The following SLC22A4 variants were observed in gnomAD, a reference collection of about 807,000 sequenced individuals.
SLC22A4 encodes the protein solute carrier family 22 member 4.
A neutral mutation model predicts 56.6 loss-of-function variants in SLC22A4; 39 were observed. The ratio of observed to expected loss-of-function variants is 0.69; its 90% CI spans 0.53 to 0.90. The LOEUF (loss-of-function observed/expected upper bound fraction) is 0.90, where lower values mean the gene tolerates loss of function less well. Ranked by LOEUF, SLC22A4 falls within the 40% of genes least tolerant of loss-of-function variation. SLC22A4 has a pLI of 0.00. For synonymous variants in SLC22A4, 241 were observed against 281.4 expected, an observed-to-expected ratio of 0.86 and a Z score of 1.44; for missense variants, 594 against 696.5, an observed-to-expected ratio of 0.85 and a Z score of 1.66.
At chr5:132,342,528 G>C (rs1751250873) in intron 9 of SLC22A4, among the ~76,000 whole-genome samples, 1 of 152,156 alleles carries the variant, frequency 6.6e-6, no homozygotes, top group Non-Finnish European at 1.5e-5. Context: ...TTTAGCATCA[G>C]ACTCCACAGG....
At chr5:132,323,627 C>T (rs1747543945) in intron 4 of SLC22A4, among the ~76,000 whole-genome samples, 1 of 152,264 alleles carries the variant, frequency 6.6e-6, no homozygotes, top group African/African-American at 2.4e-5. Context: ...CCATTATCTA[C>T]ATAGCTGTGC....
chr5:132,324,561 G>C (rs757347102), intron 4 of SLC22A4: 1 of 471,176 alleles, frequency 2.1e-6, no homozygotes, highest in Non-Finnish European at 4.4e-6. Flanking sequence ...CAAGCTGAGT[G>C]CTCCCCCTGA....
chr5:132,340,063 G>GTTT lies in SLC22A4; in HGVS notation c.1445-478_1445-476dup, dbSNP rs4646203. 4.2e-4 allele frequency among the ~76,000 whole-genome samples: 40 copies of GTTT among 94,870 alleles called. 1 individual carries two copies. The highest frequency in any genetic ancestry group is 1.4e-3 in the African/African-American group (35 of 24,972). The allele number at this position is 94,870 out of a possible 152,430, so 62.2% of individuals were successfully genotyped here. ...TCTGAAGTGAACATAATACTTAGTT[G>GTTT]TTTTTTTTTTTTTTTTTTTTTTTTT... On this transcript the variant is annotated intron_variant, in intron 8 of 9. Coordinates refer to ENST00000200652, the MANE Select transcript of SLC22A4 (RefSeq NM_003059.3).
chr5:132,339,846 C>T (rs1370699619), intron 8 of SLC22A4, among the ~76,000 whole-genome samples: 1 of 152,126 alleles, frequency 6.6e-6, no homozygotes, highest in Non-Finnish European at 1.5e-5. Context: ...CATGGGTGTG[C>T]TGTTCCTCTG....
chr5:132,304,535 G>A (rs1213883132), intron 1 of SLC22A4, among the ~76,000 whole-genome samples: 1 of 152,016 alleles, frequency 6.6e-6, no homozygotes, highest in Non-Finnish European at 1.5e-5. Context: ...GAGAATTGCT[G>A]GAACCCAGGA....
At chr5:132,339,195 T>TC (rs200120649) in intron 8 of SLC22A4, among the ~76,000 whole-genome samples, 2,354 of 152,136 alleles carry the variant, frequency 0.015, 60 homozygotes, top group African/African-American at 0.055. Context: ...GCAAACTCTT[T>TC]GCAATGGAAG....
chr5:132,303,642 A>G (rs1414500930), intron 1 of SLC22A4, among the ~76,000 whole-genome samples: 1 of 151,996 alleles, frequency 6.6e-6, no homozygotes, highest in African/African-American at 2.4e-5. Context: ...AGGGGATCAT[A>G]GGTTCCCATC....
At chr5:132,332,156 A>G (rs1255813309) in intron 6 of SLC22A4, 1 of 346,268 alleles carries the variant, frequency 2.9e-6, no homozygotes, top group Non-Finnish European at 5.6e-6. Context: ...TCTACTAAAA[A>G]TACAAAAATT....
intron 1 of SLC22A4, among the ~76,000 whole-genome samples, chr5:132,298,768 A>C (rs540071576): frequency 6.6e-6 from 1 of 152,192 alleles, no homozygotes; most frequent in East Asian, 1.9e-4. Context: ...TGGGCTTCCT[A>C]GGTGGTGGTG....
intron 1 of SLC22A4, among the ~76,000 whole-genome samples, chr5:132,309,607 G>A (rs1750131849): frequency 6.6e-6 from 1 of 152,242 alleles, no homozygotes; most frequent in African/African-American, 2.4e-5. Flanking sequence ...ATTTCCTGGA[G>A]GCCAGGTTTG....
rs143140136 is a variant in SLC22A4, at chr5:132,322,211, G to A, written c.680G>A (p.Arg227His). ...LGTEILGKSV[R>H]IIFSTLGVCT... is the part of the protein sequence containing the mutation. ...ACAGAAATTCTTGGCAAGTCAGTTCGTATTATATTCTCTACATTAGGAGTG... is the reference window on the plus strand; with the variant it reads ...ACAGAAATTCTTGGCAAGTCAGTTCATATTATATTCTCTACATTAGGAGTG... The change falls in exon 4 of 10, where the codon CGT (arginine) becomes CAT (histidine). Residue 227 changes from arginine (R) to histidine (H), a missense_variant. Transcript: ENST00000200652. 7.5e-4 allele frequency: 1,211 copies of A among 1,613,642 alleles called. 3 individuals are homozygous for A. Among genetic ancestry groups the A allele is most frequent in the South Asian group, 1.1e-3 (97 of 91,074 alleles).
At chr5:132,309,471 C>T (rs758728731) in intron 1 of SLC22A4, among the ~76,000 whole-genome samples, 5 of 152,220 alleles carry the variant, frequency 3.3e-5, no homozygotes, top group Non-Finnish European at 7.3e-5. Context: ...TCTTGGGCCC[C>T]TCTTCAGGGA....
chr5:132,337,881 G>A (rs1035241802), intron 8 of SLC22A4, among the ~76,000 whole-genome samples: 5 of 149,844 alleles, frequency 3.3e-5, no homozygotes, highest in Admixed American at 2.0e-4. Flanking sequence ...GACTACAGGC[G>A]CATGCCACCA....
chr5:132,335,845 T>C lies in SLC22A4; in HGVS notation c.1289T>C (p.Val430Ala). ...TATTACTTCTTATCCATTGGTCTGG[T>C]CATGCTGGGAAAATTTGGGATCACC... ...VDYYFLSIGL[V>A]MLGKFGITSA... The change falls in exon 8 of 10, where the codon GTC becomes GCC. Residue 430 changes from valine (V) to alanine (A), a missense_variant. Physicochemically the swap from Val to Ala is moderately conservative, Grantham distance 64. Coordinates refer to ENST00000200652, the MANE Select transcript of SLC22A4 (RefSeq NM_003059.3). 6.2e-7 allele frequency: 1 copy of C among 1,614,116 alleles called. No homozygotes were observed. The highest frequency in any genetic ancestry group is 8.5e-7 in the Non-Finnish European group (1 of 1,179,994).
intron 3 of SLC22A4, 41 bp downstream of exon 3, chr5:132,313,809 C>A: frequency 1.3e-6 from 2 of 1,593,776 alleles, no homozygotes. Context: ...TCCCTCTAAC[C>A]CTCTGAAAGG....
intron 5 of SLC22A4, among the ~76,000 whole-genome samples, chr5:132,328,903 G>GTATATA (rs753290785): frequency 0.014 from 1,369 of 96,122 alleles, 18 homozygotes; most frequent in Admixed American, 0.066. Flanking sequence ...GTGTGTATGT[G>GTATATA]TATATATATA....
intron 2 of SLC22A4, 88 bp downstream of exon 2, chr5:132,312,352 T>C: frequency 1.1e-6 from 1 of 899,964 alleles, no homozygotes; most frequent in Non-Finnish European, 1.9e-6. Context: ...AGGGTATTTC[T>C]ACCCAGAGAA....
intron 8 of SLC22A4, 40 bp from the exon 9 acceptor site, chr5:132,340,525 C>A: frequency 1.2e-6 from 2 of 1,603,146 alleles, no homozygotes; most frequent in Non-Finnish European, 1.7e-6. Flanking sequence ...CCAGAGAGTC[C>A]TCCTATCTGA....
At chr5:132,310,626 T>C (rs959823297) in intron 1 of SLC22A4, among the ~76,000 whole-genome samples, 1 of 152,184 alleles carries the variant, frequency 6.6e-6, no homozygotes, top group East Asian at 1.9e-4. Flanking sequence ...TGCAGAGCTG[T>C]GTTGGGCGTT....
Sources: allele counts gnomAD v4.1 joint callset (sites outside exome capture counted in the v4.1 genomes callset), GRCh38; gene constraint gnomAD v4.1.1; transcripts MANE v1.5; gene names NCBI Gene and HGNC (gene_info 2026-07-23, HGNC 2026-07-21).